Variants in HPSE2 observed in about 807,000 individuals in gnomAD.
HPSE2 encodes heparanase 2 (inactive).
HPSE2 carries 38 observed loss-of-function variants against 60.5 expected under a neutral mutation model. That is an observed-to-expected ratio of 0.63 (90% confidence interval 0.48 to 0.82). The LOEUF is 0.82. Ranked by LOEUF, HPSE2 falls within the 40% of genes least tolerant of loss-of-function variation. HPSE2 has a pLI of 0.00. For synonymous variants in HPSE2, 295 were observed against 293.2 expected (o/e 1.01, Z -0.06); for missense variants, 713 against 740.4 (o/e 0.96, Z 0.43).
intron 5 of HPSE2, among the ~76,000 whole-genome samples, chr10:98,711,285 T>A (rs755774525): frequency 3.3e-5 from 5 of 152,038 alleles, no homozygotes; most frequent in Non-Finnish European, 4.4e-5. Flanking sequence ...GGAGGAAAAA[T>A]GCATCAGGAT....
At chr10:99,305,973 G>GCACACACACACACACACACA in the HPSE2 span, among the ~76,000 whole-genome samples, 93 of 44,022 alleles carry the variant, frequency 2.1e-3, no homozygotes, top group African/African-American at 6.2e-3. Flanking sequence ...GCGCGCGCGC[G>GCACACACACACACACACACA]CGCGCGCACA....
chr10:98,782,761 G>A (rs1351363763), intron 3 of HPSE2, among the ~76,000 whole-genome samples: 2 of 100,848 alleles, frequency 2.0e-5, no homozygotes, highest in African/African-American at 3.6e-5. Flanking sequence ...AGGGTATGTA[G>A]GACCCTGGGA....
At chr10:99,176,624 G>A (rs928540234) in intron 2 of HPSE2, among the ~76,000 whole-genome samples, 1 of 152,100 alleles carries the variant, frequency 6.6e-6, no homozygotes, top group Non-Finnish European at 1.5e-5. Context: ...GGGACTATGT[G>A]TAAAGACCAA....
At chr10:98,504,713 C>G (rs1452480053) in intron 9 of HPSE2, among the ~76,000 whole-genome samples, 5 of 151,654 alleles carry the variant, frequency 3.3e-5, no homozygotes, top group Non-Finnish European at 5.9e-5. Context: ...TGGCGTGAAC[C>G]CAGGAGGTGG....
Position 98,580,836 on chromosome 10 carries a change from A to ATATATATATATATGTGTGTGTGTGTGTG in HPSE2, c.1320+34067_1320+34068insCACACACACACACACATATATATATATA. 1.8e-3 allele frequency among the ~76,000 whole-genome samples: 217 copies of ATATATATATATATGTGTGTGTGTGTGTG among 119,522 alleles called. 1 individual carries two copies. The highest frequency in any genetic ancestry group is 7.3e-3 in the African/African-American group (204 of 27,910). The allele number at this position is 119,522 out of a possible 152,430, so 78.4% of individuals were successfully genotyped here. A position where few individuals can be genotyped will look rare whatever the true frequency, so the allele number is the denominator to read the frequency against. On this transcript the variant is annotated intron_variant, in intron 9 of 11. Coordinates refer to ENST00000370552, the MANE Select transcript of HPSE2 (RefSeq NM_021828.5). Reference sequence around the variant, plus strand: ...GTTGTGCTTGGTTTTATATATATATATGTGTGTGTGTGTGTGTGTGTGTGT... The same window carrying ATATATATATATATGTGTGTGTGTGTGTG: ...GTTGTGCTTGGTTTTATATATATATATATATATATATATGTGTGTGTGTGTGTGTGTGTGTGTGTGTGTGTGTGTGTGT...
At chr10:98,639,702 C>T (rs548241052) in intron 7 of HPSE2, among the ~76,000 whole-genome samples, 29 of 152,250 alleles carry the variant, frequency 1.9e-4, no homozygotes, top group African/African-American at 6.5e-4. Context: ...ATATGCAGTG[C>T]GGGACGGTAA....
At chr10:98,629,045 C>T (rs1336806375) in intron 7 of HPSE2, among the ~76,000 whole-genome samples, 1 of 152,230 alleles carries the variant, frequency 6.6e-6, no homozygotes, top group Non-Finnish European at 1.5e-5. Flanking sequence ...TAAAAAGACT[C>T]TTGAGAGCCT....
At chr10:98,463,262 C>T (rs1484155931) in intron 11 of HPSE2, among the ~76,000 whole-genome samples, 1 of 152,152 alleles carries the variant, frequency 6.6e-6, no homozygotes, top group Non-Finnish European at 1.5e-5. Context: ...TGAACAATGA[C>T]ACCCAGCTCC....
rs1326549407 is a variant in HPSE2 at position 98,842,416 on chromosome 10, A to G, written c.611-98360T>C. On this transcript the variant is annotated intron_variant, in intron 3 of 11. Transcript: ENST00000370552. ...AAGGGGGCAGCATCCAGTTGGTTGA[A>G]CTGGTTTTGGTAGAGTTTGCCAATC... Among the ~76,000 whole-genome samples the G allele has an allele frequency of 2.0e-5, 3 of 152,030 alleles. No individual in the cohort carries two copies. The East Asian group carries it at 5.8e-4, about 29-fold the overall frequency.
At chr10:99,130,230 A>T (rs7100678) in intron 3 of HPSE2, among the ~76,000 whole-genome samples, 4,982 of 152,234 alleles carry the variant, frequency 0.033, 284 homozygotes, top group African/African-American at 0.11. Flanking sequence ...TCCTACTGAC[A>T]CTATTCCACA....
intron 5 of HPSE2, among the ~76,000 whole-genome samples, chr10:98,716,150 T>C (rs1053334856): frequency 1.3e-5 from 2 of 152,042 alleles, no homozygotes; most frequent in Non-Finnish European, 2.9e-5. Flanking sequence ...GAGCAACTCA[T>C]CATCCATTCA....
At chr10:98,988,188 G>T (rs1370760821) in intron 3 of HPSE2, among the ~76,000 whole-genome samples, 1 of 152,114 alleles carries the variant, frequency 6.6e-6, no homozygotes, top group East Asian at 1.9e-4. Context: ...CATCACCAAG[G>T]CAATCCTAAG....
intron 3 of HPSE2, among the ~76,000 whole-genome samples, chr10:99,122,141 A>G (rs1304780593): frequency 6.6e-6 from 1 of 152,084 alleles, no homozygotes; most frequent in Non-Finnish European, 1.5e-5. Context: ...AAAACCAATC[A>G]AAATATTTTT....
chr10:99,300,907 A>G, the HPSE2 span, among the ~76,000 whole-genome samples: 2 of 152,170 alleles, frequency 1.3e-5, no homozygotes, highest in South Asian at 4.1e-4. Flanking sequence ...TTCCCAAAGT[A>G]TGGATTATTA....
chr10:99,144,462 A>T, intron 2 of HPSE2, 63 bp from the exon 3 acceptor site: 1 of 1,577,374 alleles, frequency 6.3e-7, no homozygotes, highest in Non-Finnish European at 8.6e-7. Flanking sequence ...ATAATACATC[A>T]TCAAAGTCTT....
intron 7 of HPSE2, among the ~76,000 whole-genome samples, chr10:98,640,757 A>G (rs538020747): frequency 2.7e-5 from 4 of 147,624 alleles, no homozygotes; most frequent in Non-Finnish European, 5.9e-5. Flanking sequence ...AAAAGATAAT[A>G]ATATATTTTA....
intron 2 of HPSE2, among the ~76,000 whole-genome samples, chr10:99,155,111 G>T (rs200668872): frequency 8.3e-4 from 103 of 124,192 alleles, no homozygotes; most frequent in African/African-American, 2.7e-3. Flanking sequence ...AGCAAGTCCT[G>T]AGTGACCTAC....
At chr10:98,650,492 T>C (rs1946887032) in intron 6 of HPSE2, among the ~76,000 whole-genome samples, 1 of 152,246 alleles carries the variant, frequency 6.6e-6, no homozygotes, top group African/African-American at 2.4e-5. Context: ...AAACTGTCCT[T>C]GTATGAAAAT....
intron 3 of HPSE2, among the ~76,000 whole-genome samples, chr10:98,908,917 C>G (rs1199940041): frequency 2.6e-5 from 4 of 152,050 alleles, no homozygotes; most frequent in Admixed American, 6.5e-5. Flanking sequence ...CTTAAACACC[C>G]TCTCCCCTAT....
Sources: allele counts gnomAD v4.1 joint callset (sites outside exome capture counted in the v4.1 genomes callset), GRCh38; gene constraint gnomAD v4.1.1; transcripts MANE v1.5; gene names NCBI Gene and HGNC (gene_info 2026-07-23, HGNC 2026-07-21).